Variants in GRID1 observed in about 807,000 individuals in gnomAD.
GRID1 encodes the protein glutamate receptor ionotropic, delta-1.
GRID1 carries 28 observed loss-of-function variants against 98.0 expected under a neutral mutation model. That is an observed-to-expected ratio of 0.29 (90% confidence interval 0.21 to 0.39). GRID1 has a LOEUF of 0.39. Ranked by LOEUF, GRID1 falls within the 10% of genes least tolerant of loss-of-function variation. The probability of loss-of-function intolerance (pLI) is 1.00; values close to 1 mark genes in which losing one functional copy is unlikely to be tolerated. For missense variants in GRID1, 1,111 were observed against 1,340.5 expected, an observed-to-expected ratio of 0.83 and a Z score of 2.67; for synonymous variants, 553 against 538.5, an observed-to-expected ratio of 1.03 and a Z score of -0.37.
At chr10:85,688,727 T>C (rs1029398870) in intron 12 of GRID1, among the ~76,000 whole-genome samples, 8 of 152,210 alleles carry the variant, frequency 5.3e-5, no homozygotes, top group African/African-American at 1.9e-4. Context: ...GCTCTTCCAC[T>C]AATGAATAAT....
chr10:85,804,583 T>G (rs1842605435), intron 8 of GRID1, among the ~76,000 whole-genome samples: 1 of 151,850 alleles, frequency 6.6e-6, no homozygotes, highest in South Asian at 2.1e-4. Context: ...ATACCCTTCA[T>G]CATAATAAAT....
intron 12 of GRID1, among the ~76,000 whole-genome samples, chr10:85,681,398 T>C (rs946976240): frequency 3.9e-5 from 6 of 152,210 alleles, no homozygotes; most frequent in African/African-American, 1.4e-4. Context: ...CATTTGTTTC[T>C]AGAAAAATAA....
chr10:86,293,703 A>G lies in GRID1; in HGVS notation c.235+70238T>C, dbSNP rs77899550. Among the ~76,000 whole-genome samples, 680 of 152,074 alleles carry G rather than the reference A, an allele frequency of 4.5e-3. 6 individuals are homozygous for G. Among genetic ancestry groups the G allele is most frequent in the African/African-American group, 0.015 (636 of 41,476 alleles). ...CCAACCTGTCAGCACAGAGACACAGACTCAAACGATAGGGAGGGGTGGGGG... is the reference window on the plus strand; with the variant it reads ...CCAACCTGTCAGCACAGAGACACAGGCTCAAACGATAGGGAGGGGTGGGGG... On this transcript the variant is annotated intron_variant, in intron 2 of 15. Transcript: ENST00000327946.
chr10:85,854,719 C>A, intron 7 of GRID1, 104 bp from the exon 8 acceptor site: 1 of 1,144,756 alleles, frequency 8.7e-7, no homozygotes, highest in Non-Finnish European at 1.3e-6. Context: ...ACGGAGCAAT[C>A]AGTTTTGAGA....
chr10:85,946,766 T>G (rs1392110743), intron 4 of GRID1, among the ~76,000 whole-genome samples: 2 of 152,094 alleles, frequency 1.3e-5, no homozygotes, highest in Non-Finnish European at 2.9e-5. Flanking sequence ...ACAAGCCCAG[T>G]GTTCTCAAGC....
rs144063531 is a variant in GRID1 at position 85,981,437 on chromosome 10, AC to A, written c.727-65199del. Reference sequence around the variant, plus strand: ...GCTGGCTGCCAGGGATGCTAACTTCACAAGGGCTACAATGCCTACTTGGCTT... The same window carrying A: ...GCTGGCTGCCAGGGATGCTAACTTCAAAGGGCTACAATGCCTACTTGGCTT... On this transcript the variant is annotated intron_variant, in intron 4 of 15. Transcript: ENST00000327946. Among the ~76,000 whole-genome samples, 555 of 152,316 alleles carry A rather than the reference AC, an allele frequency of 3.6e-3. 11 individuals are homozygous for A. The East Asian group carries it at 0.061, about 17-fold the overall frequency.
intron 5 of GRID1, among the ~76,000 whole-genome samples, chr10:85,886,017 C>T (rs1841112891): frequency 1.3e-5 from 2 of 152,204 alleles, no homozygotes; most frequent in Admixed American, 6.5e-5. Context: ...CTCTCCCCTC[C>T]AGGATACCCA....
chr10:85,811,516 A>G (rs1372728773), intron 8 of GRID1, among the ~76,000 whole-genome samples: 2 of 152,292 alleles, frequency 1.3e-5, no homozygotes, highest in East Asian at 3.9e-4. Flanking sequence ...TATTTTTAAA[A>G]AGAACCAAAC....
intron 2 of GRID1, among the ~76,000 whole-genome samples, chr10:86,361,682 GT>G (rs1848602531): frequency 6.6e-6 from 1 of 152,188 alleles, no homozygotes; most frequent in Non-Finnish European, 1.5e-5. Flanking sequence ...GTACTGTGTT[GT>G]TTACATTATT....
At chr10:85,811,693 C>G (rs1242774081) in intron 8 of GRID1, among the ~76,000 whole-genome samples, 1 of 152,040 alleles carries the variant, frequency 6.6e-6, no homozygotes, top group East Asian at 1.9e-4. Flanking sequence ...AGAAAGCCTA[C>G]AGAATTTATG....
rs192516805 is a variant in GRID1, at chr10:85,828,155, A to C, written c.1233+26341T>G. The stretch of plus-strand genomic sequence containing the variant: ...AATCATTCAAAAACCATACAATTAC[A>C]TGGAATTTAAACAACCTGCTCCCGA... On this transcript the variant is annotated intron_variant, in intron 8 of 15. Coordinates refer to ENST00000327946, the MANE Select transcript of GRID1 (RefSeq NM_017551.3). Among the ~76,000 whole-genome samples, 79 of 152,324 alleles carry C rather than the reference A, an allele frequency of 5.2e-4. 1 individual carries two copies. In the East Asian group the frequency reaches 0.011, roughly 22 times the overall value.
intron 4 of GRID1, among the ~76,000 whole-genome samples, chr10:86,093,843 C>G (rs573298471): frequency 1.3e-5 from 2 of 152,278 alleles, no homozygotes; most frequent in African/African-American, 4.8e-5. Flanking sequence ...CTAATTCATT[C>G]TTTGAAGCCA....
intron 12 of GRID1, among the ~76,000 whole-genome samples, chr10:85,679,290 C>T (rs1841180415): frequency 6.6e-6 from 1 of 152,220 alleles, no homozygotes; most frequent in Admixed American, 6.5e-5. Context: ...CTCTGCCATA[C>T]CTAAAATATG....
chr10:86,178,531 C>T (rs1845609863), intron 3 of GRID1, among the ~76,000 whole-genome samples: 3 of 152,158 alleles, frequency 2.0e-5, no homozygotes, highest in Admixed American at 2.0e-4. Flanking sequence ...GTGTTAGGCC[C>T]AGGAAGGGCC....
intron 2 of GRID1, among the ~76,000 whole-genome samples, chr10:86,293,965 C>A (rs1250406844): frequency 6.6e-6 from 1 of 152,098 alleles, no homozygotes; most frequent in Non-Finnish European, 1.5e-5. Context: ...GCAATAAAGT[C>A]AAATAAAACA....
intron 4 of GRID1, among the ~76,000 whole-genome samples, chr10:85,958,730 G>A (rs2131847741): frequency 1.3e-5 from 2 of 152,258 alleles, no homozygotes; most frequent in Admixed American, 1.3e-4. Context: ...GGCTGAGGCA[G>A]GCAGATCACC....
At chr10:85,876,889 G>A (rs890725983) in intron 5 of GRID1, among the ~76,000 whole-genome samples, 7 of 152,192 alleles carry the variant, frequency 4.6e-5, no homozygotes, top group Admixed American at 6.5e-5. Context: ...CTGGAAAATC[G>A]GGTCACACCC....
chr10:85,625,817 G>T (rs565127270), intron 13 of GRID1, among the ~76,000 whole-genome samples: 1 of 152,342 alleles, frequency 6.6e-6, no homozygotes, highest in East Asian at 1.9e-4. Context: ...GAGCTGATTG[G>T]ATGACTTGCT....
intron 12 of GRID1, among the ~76,000 whole-genome samples, chr10:85,655,640 T>C (rs1840886316): frequency 6.6e-6 from 1 of 152,168 alleles, no homozygotes; most frequent in South Asian, 2.1e-4. Flanking sequence ...ATCTTCTAAA[T>C]CTCCCTGTGC....
Sources: allele counts gnomAD v4.1 joint callset (sites outside exome capture counted in the v4.1 genomes callset), GRCh38; gene constraint gnomAD v4.1.1; transcripts MANE v1.5; gene names NCBI Gene and HGNC (gene_info 2026-07-23, HGNC 2026-07-21).